Variants in IGF1R observed in about 807,000 individuals in gnomAD.
IGF1R encodes insulin like growth factor 1 receptor.
Under a neutral mutation model 144.6 loss-of-function variants are expected in IGF1R, and 44 were observed. The ratio of observed to expected loss-of-function variants is 0.30; its 90% CI spans 0.24 to 0.39. The LOEUF (loss-of-function observed/expected upper bound fraction) is 0.39. Ranked by LOEUF, IGF1R falls within the 10% of genes least tolerant of loss-of-function variation. The pLI, the probability that IGF1R is intolerant of heterozygous loss-of-function variation, is 1.00. For synonymous variants in IGF1R, 795 were observed against 722.8 expected (o/e 1.10, Z -1.60); for missense variants, 1,355 against 1,833.7 (o/e 0.74, Z 4.77).
At chr15:98,884,612 A>G (rs1312458882) in intron 2 of IGF1R, among the ~76,000 whole-genome samples, 1 of 149,904 alleles carries the variant, frequency 6.7e-6, no homozygotes, top group African/African-American at 2.4e-5. Flanking sequence ...CCGGAAGGCA[A>G]AGCTGGAGCT....
intron 2 of IGF1R, among the ~76,000 whole-genome samples, chr15:98,748,130 A>T (rs75095718): frequency 6.6e-6 from 1 of 152,110 alleles, no homozygotes; most frequent in Admixed American, 6.5e-5. Context: ...TAATGCTTTC[A>T]TATTTACTTC....
intron 1 of IGF1R, among the ~76,000 whole-genome samples, chr15:98,706,238 G>T (rs960470220): frequency 2.0e-5 from 3 of 152,172 alleles, no homozygotes; most frequent in Admixed American, 6.5e-5. Flanking sequence ...CATTTCTCGT[G>T]GTATCATACA....
At chr15:98,705,306 C>A (rs950807637) in intron 1 of IGF1R, among the ~76,000 whole-genome samples, 1 of 152,072 alleles carries the variant, frequency 6.6e-6, no homozygotes, top group African/African-American at 2.4e-5. Context: ...AGGAGCTATT[C>A]GGTGTCATAA....
At chr15:98,941,504 A>T (rs2016365442) in intron 18 of IGF1R, among the ~76,000 whole-genome samples, 1 of 152,052 alleles carries the variant, frequency 6.6e-6, no homozygotes, top group African/African-American at 2.4e-5. Flanking sequence ...TGTGCTGAGG[A>T]AGGTCGTTTG....
intron 2 of IGF1R, among the ~76,000 whole-genome samples, chr15:98,743,756 ATAGAT>A (rs942233166): frequency 1.3e-5 from 2 of 152,216 alleles, no homozygotes; most frequent in Non-Finnish European, 2.9e-5. Context: ...AGTGTAAAGA[ATAGAT>A]TAGGGAGGAA....
intron 1 of IGF1R, among the ~76,000 whole-genome samples, chr15:98,658,639 G>A (rs1200793329): frequency 6.6e-6 from 1 of 152,186 alleles, no homozygotes; most frequent in Non-Finnish European, 1.5e-5. Context: ...CTTTTCTGTG[G>A]TTTGAATAGG....
chr15:98,956,998 T>G lies in IGF1R; in HGVS notation c.3723-63T>G. On this transcript the variant is annotated intron_variant, in intron 20 of 20. Coordinates refer to ENST00000650285, the MANE Select transcript of IGF1R (RefSeq NM_000875.5). ...GCGGGAAACCACTGCAGGCGGCCCA[T>G]GAAGCCTCCTGGCCATGTGCGCCCT... 3 of 1,592,224 alleles carry G rather than the reference T, an allele frequency of 1.9e-6. No individual in the cohort carries two copies. The South Asian group carries it at 3.3e-5, about 18-fold the overall frequency.
intron 1 of IGF1R, among the ~76,000 whole-genome samples, chr15:98,686,084 T>C (rs2053321478): frequency 6.6e-6 from 1 of 152,236 alleles, no homozygotes; most frequent in South Asian, 2.1e-4. Context: ...TTCCACTTTC[T>C]GTCTGTAAAT....
At chr15:98,798,094 C>G (rs188977727) in intron 2 of IGF1R, among the ~76,000 whole-genome samples, 53 of 152,326 alleles carry the variant, frequency 3.5e-4, no homozygotes, top group African/African-American at 1.2e-3. Flanking sequence ...AGGCACTGTT[C>G]CTGGTGTCAG....
At chr15:98,924,447 G>T (rs2151694168) in intron 12 of IGF1R, 78 bp from the exon 13 acceptor site, 1 of 1,366,458 alleles carries the variant, frequency 7.3e-7, no homozygotes, top group Non-Finnish European at 1.0e-6. Flanking sequence ...GGAGTCCCCA[G>T]TGTGGTGAGT....
intron 10 of IGF1R, 151 bp downstream of exon 10, chr15:98,917,027 G>A: frequency 2.7e-6 from 2 of 736,186 alleles, no homozygotes; most frequent in African/African-American, 1.7e-5. Context: ...GACAGGTTCG[G>A]TGAAGTGAGT....
At position 98,961,499 on chromosome 15, in the gene IGF1R, C is replaced by G. The variant is rs1567228306; in HGVS notation, c.*4057C>G. On this transcript the variant is annotated 3_prime_UTR_variant, in exon 21 of 21. Coordinates refer to ENST00000650285, the MANE Select transcript of IGF1R (RefSeq NM_000875.5). ...ACCAAGGCATCATCTATCCACAGTT[C>G]TAGCCTAACTTCATGCTGATTTCTC... 1 of 233,450 alleles carries G rather than the reference C, an allele frequency of 4.3e-6. No individual in the cohort carries two copies. The highest frequency in any genetic ancestry group is 8.5e-6 in the Non-Finnish European group (1 of 118,062). 14.5% of individuals were successfully genotyped at this position (233,450 alleles called of 1,614,324 possible).
intron 1 of IGF1R, among the ~76,000 whole-genome samples, chr15:98,673,884 T>G (rs2052963810): frequency 6.6e-6 from 1 of 152,246 alleles, no homozygotes; most frequent in Non-Finnish European, 1.5e-5. Context: ...CTGTTCCTTT[T>G]TCTCCTCATC....
intron 15 of IGF1R, among the ~76,000 whole-genome samples, chr15:98,933,371 TCTCA>T: frequency 6.6e-6 from 1 of 152,288 alleles, no homozygotes; most frequent in East Asian, 1.9e-4. Context: ...TGAGACAGGT[TCTCA>T]CTCTGTTGCC....
chr15:98,689,076 T>G (rs2053407959), intron 1 of IGF1R, among the ~76,000 whole-genome samples: 1 of 152,134 alleles, frequency 6.6e-6, no homozygotes, highest in Admixed American at 6.5e-5. Flanking sequence ...GTTAGTGAAA[T>G]TAAATCACTT....
chr15:98,705,505 A>G (rs947792582), intron 1 of IGF1R, among the ~76,000 whole-genome samples: 1 of 152,170 alleles, frequency 6.6e-6, no homozygotes, highest in Admixed American at 6.5e-5. Flanking sequence ...GTGTTTGCCA[A>G]GTGCTGGTTT....
chr15:98,889,367 T>TGG (rs2013795758), intron 2 of IGF1R, among the ~76,000 whole-genome samples: 1 of 152,248 alleles, frequency 6.6e-6, no homozygotes, highest in African/African-American at 2.4e-5. Context: ...AGGCAACTAG[T>TGG]GGGTGTGTAA....
intron 2 of IGF1R, among the ~76,000 whole-genome samples, chr15:98,791,170 A>G (rs1266299486): frequency 6.6e-6 from 1 of 152,338 alleles, no homozygotes; most frequent in African/African-American, 2.4e-5. Flanking sequence ...ATGTTAAGAC[A>G]TATTCTTTAA....
intron 1 of IGF1R, among the ~76,000 whole-genome samples, chr15:98,655,717 AT>A (rs962200072): frequency 1.4e-5 from 2 of 147,164 alleles, no homozygotes; most frequent in East Asian, 3.9e-4. Flanking sequence ...TGGACTACAG[AT>A]TTTTTTTTCT....
Sources: allele counts gnomAD v4.1 joint callset (sites outside exome capture counted in the v4.1 genomes callset), GRCh38; gene constraint gnomAD v4.1.1; transcripts MANE v1.5; gene names NCBI Gene and HGNC (gene_info 2026-07-23, HGNC 2026-07-21).